Variants in RUNX2 observed in about 807,000 individuals in gnomAD.
RUNX2 encodes RUNX family transcription factor 2, also known as runt-related transcription factor 2.
A neutral mutation model predicts 51.7 loss-of-function variants in RUNX2; 10 were observed. The ratio of observed to expected loss-of-function variants is 0.19; its 90% CI spans 0.12 to 0.33. The LOEUF is 0.33. RUNX2 is among the 10% of genes least tolerant of loss of function. The pLI is 1.00. For missense variants in RUNX2, 562 were observed against 691.3 expected, an observed-to-expected ratio of 0.81 and a Z score of 2.10; for synonymous variants, 276 against 273.6, an observed-to-expected ratio of 1.01 and a Z score of -0.09.
intron 5 of RUNX2, among the ~76,000 whole-genome samples, chr6:45,482,963 T>C (rs1192390066): frequency 6.6e-6 from 1 of 152,156 alleles, no homozygotes; most frequent in Non-Finnish European, 1.5e-5. Flanking sequence ...CCTTTAGAAA[T>C]TGGTTTATGT....
intron 5 of RUNX2, among the ~76,000 whole-genome samples, chr6:45,475,909 T>C (rs1290538606): frequency 6.6e-6 from 1 of 152,252 alleles, no homozygotes; most frequent in East Asian, 1.9e-4. Flanking sequence ...ATCATGTTTT[T>C]TCAAGGGACA....
chr6:45,331,723 C>G (rs1787556092), intron 2 of RUNX2, among the ~76,000 whole-genome samples: 1 of 151,892 alleles, frequency 6.6e-6, no homozygotes, highest in African/African-American at 2.4e-5. Context: ...TCTGGCTGGT[C>G]TGTCTGACTC....
chr6:45,478,264 A>T (rs542630304), intron 5 of RUNX2, among the ~76,000 whole-genome samples: 1 of 152,316 alleles, frequency 6.6e-6, no homozygotes, highest in South Asian at 2.1e-4. Context: ...CTAGTTTAGC[A>T]TAGTTCATGA....
At position 45,521,478 on chromosome 6, in the gene RUNX2, A is replaced by T. The variant is rs1801507192; in HGVS notation, c.1021+9071A>T. 2.0e-5 allele frequency among the ~76,000 whole-genome samples: 3 copies of T among 152,252 alleles called. No individual in the cohort carries two copies. In the South Asian group the frequency reaches 6.2e-4, roughly 31 times the overall value. The stretch of plus-strand genomic sequence containing the variant: ...TATTTTAGGTCCAGCTTGAAACCAA[A>T]TGATCAAATAGAATTTTTGATTTCC... On this transcript the variant is annotated intron_variant, in intron 7 of 8. Coordinates refer to ENST00000647337, the MANE Select transcript of RUNX2 (RefSeq NM_001024630.4).
intron 4 of RUNX2, 87 bp downstream of exon 4, chr6:45,432,106 C>T: frequency 8.0e-7 from 1 of 1,257,042 alleles, no homozygotes; most frequent in South Asian, 1.3e-5. Flanking sequence ...TACAAATCAG[C>T]ACCTTCTTTT....
intron 5 of RUNX2, among the ~76,000 whole-genome samples, chr6:45,444,672 C>T (rs911781810): frequency 6.6e-6 from 1 of 152,224 alleles, no homozygotes; most frequent in African/African-American, 2.4e-5. Context: ...ATCAACAAAT[C>T]TGTAATTGTT....
chr6:45,442,913 A>G (rs923548578), intron 5 of RUNX2, among the ~76,000 whole-genome samples: 4 of 151,846 alleles, frequency 2.6e-5, no homozygotes, highest in African/African-American at 9.7e-5. Context: ...CTTTCCATAT[A>G]ATCCTGGATC....
intron 5 of RUNX2, among the ~76,000 whole-genome samples, chr6:45,455,762 T>C (rs574285889): frequency 1.3e-5 from 2 of 152,336 alleles, no homozygotes. Context: ...GCTTTGCTTA[T>C]CTTTACTAAG....
chr6:45,424,284 AG>A (rs1798324025), intron 3 of RUNX2, among the ~76,000 whole-genome samples: 1 of 152,172 alleles, frequency 6.6e-6, no homozygotes, highest in Non-Finnish European at 1.5e-5. Flanking sequence ...AGCCCTCTAC[AG>A]GGGGGAGACG....
rs757694293 is a variant in RUNX2 at position 45,438,059 on chromosome 6, C to T, written c.685+8C>T. 2.4e-5 allele frequency: 37 copies of T among 1,522,148 alleles called. No individual in the cohort carries two copies. The highest frequency in any genetic ancestry group is 3.4e-5 in the Non-Finnish European group (37 of 1,096,750). 94.3% of individuals were successfully genotyped at this position (1,522,148 alleles called of 1,614,324 possible). Reference sequence around the variant, plus strand: ...GACCTCGGGAACCCAGAAGTAAGTACTCCCCTTTTTATTGAAGAAAGTAAT... The same window carrying T: ...GACCTCGGGAACCCAGAAGTAAGTATTCCCCTTTTTATTGAAGAAAGTAAT... On this transcript the variant is annotated splice_region_variant and intron_variant, in intron 5 of 8. Coordinates refer to ENST00000647337, the MANE Select transcript of RUNX2 (RefSeq NM_001024630.4).
intron 2 of RUNX2, among the ~76,000 whole-genome samples, chr6:45,354,903 C>A (rs950928758): frequency 2.6e-5 from 4 of 152,040 alleles, no homozygotes; most frequent in Admixed American, 2.0e-4. Context: ...ATAATATGGG[C>A]TTTTGGTATT....
intron 2 of RUNX2, among the ~76,000 whole-genome samples, chr6:45,380,940 T>C (rs1296649036): frequency 2.0e-5 from 3 of 152,208 alleles, no homozygotes; most frequent in Non-Finnish European, 4.4e-5. Flanking sequence ...TTCTTTGTTG[T>C]TTGAGATTCA....
At position 45,328,802 on chromosome 6, in the gene RUNX2, T is replaced by A. The variant is rs762823134; in HGVS notation, c.58+18T>A. On this transcript the variant is annotated intron_variant, in intron 2 of 8. Transcript: ENST00000647337. ...CTTTTGGGGTAAGTGTTACCATTTTTAAAATCCTGTAAGATATGAACCTGT... is the reference window on the plus strand; with the variant it reads ...CTTTTGGGGTAAGTGTTACCATTTTAAAAATCCTGTAAGATATGAACCTGT... 6.2e-7 allele frequency: 1 copy of A among 1,610,458 alleles called. No individual in the cohort carries two copies. Among genetic ancestry groups the A allele is most frequent in the Non-Finnish European group, 8.5e-7 (1 of 1,177,252 alleles).
chr6:45,505,489 T>C (rs1248880770), intron 6 of RUNX2, among the ~76,000 whole-genome samples: 1 of 152,098 alleles, frequency 6.6e-6, no homozygotes, highest in Admixed American at 6.5e-5. Flanking sequence ...CTAGAGCTCA[T>C]GACTCTTCTA....
At chr6:45,337,761 G>C (rs1170886274) in intron 2 of RUNX2, among the ~76,000 whole-genome samples, 1 of 151,782 alleles carries the variant, frequency 6.6e-6, no homozygotes, top group Non-Finnish European at 1.5e-5. Context: ...CCCCTCCACT[G>C]TTGGTTGTTA....
chr6:45,498,225 T>A (rs1287276423), intron 6 of RUNX2, among the ~76,000 whole-genome samples: 1 of 152,224 alleles, frequency 6.6e-6, no homozygotes. Flanking sequence ...TTTCATTTAT[T>A]CAGTTCTTTA....
In RUNX2 at chr6:45,337,696, A is replaced by G. The variant is rs1788868500; in HGVS notation, c.58+8912A>G. The stretch of plus-strand genomic sequence containing the variant: ...GCAAAACATTTTGAATGTATTTATA[A>G]TATGATACACTTCTAGAAGCCATGA... On this transcript the variant is annotated intron_variant, in intron 2 of 8. Coordinates refer to ENST00000647337, the MANE Select transcript of RUNX2 (RefSeq NM_001024630.4). Among the ~76,000 whole-genome samples the G allele has an allele frequency of 2.0e-5, 3 of 151,866 alleles. No individual in the cohort carries two copies. The South Asian group carries it at 6.2e-4, about 31-fold the overall frequency.
chr6:45,351,420 G>A (rs1792026947), intron 2 of RUNX2, among the ~76,000 whole-genome samples: 1 of 152,136 alleles, frequency 6.6e-6, no homozygotes, highest in Admixed American at 6.6e-5. Flanking sequence ...AGCTTATGGT[G>A]AGGAAGAGAG....
Position 45,531,624 on chromosome 6 carries a change from G to A in RUNX2, c.1022-13593G>A, listed in dbSNP as rs544944113. On this transcript the variant is annotated intron_variant, in intron 7 of 8. Transcript: ENST00000647337. ...AAAAATTAGCCAGGCGTGGTGGTGCGCACCTGTAGTCCCAGCTACTTGGGA... is the reference window on the plus strand; with the variant it reads ...AAAAATTAGCCAGGCGTGGTGGTGCACACCTGTAGTCCCAGCTACTTGGGA... Among the ~76,000 whole-genome samples the A allele has an allele frequency of 1.6e-3, 248 of 152,030 alleles. 1 individual carries two copies. Among genetic ancestry groups the A allele is most frequent in the Non-Finnish European group, 1.6e-3 (107 of 67,952 alleles).
Sources: gnomAD v4.1 joint callset for allele counts (sites outside exome capture counted in the v4.1 genomes callset) on GRCh38, gnomAD v4.1.1 for gene constraint, MANE v1.5 for transcripts, NCBI Gene and HGNC (gene_info 2026-07-23, HGNC 2026-07-21) for gene names.